The following RBM20 variants were observed in gnomAD, a reference collection of about 807,000 sequenced individuals.
RBM20 encodes the protein RNA-binding protein 20.
In RBM20, 51 loss-of-function variants were observed where a neutral mutation model predicts 110.1. The ratio of observed to expected loss-of-function variants is 0.46; its 90% confidence interval spans 0.37 to 0.59. RBM20 has a LOEUF of 0.59. Among genes scored for constraint, RBM20 ranks in the 20% least tolerant of loss-of-function variants. The probability of loss-of-function intolerance (pLI) is 0.00; values close to 1 mark genes in which losing one functional copy is unlikely to be tolerated. For synonymous variants in RBM20, 589 were observed against 618.2 expected, an observed-to-expected ratio of 0.95 and a Z score of 0.70; for missense variants, 1,512 against 1,574.9, an observed-to-expected ratio of 0.96 and a Z score of 0.68.
intron 5 of RBM20, among the ~76,000 whole-genome samples, chr10:110,790,559 A>G (rs913017677): frequency 1.3e-5 from 2 of 152,278 alleles, no homozygotes; most frequent in Admixed American, 1.3e-4. Flanking sequence ...TGCTTTTGTT[A>G]TAAGTATATA....
intron 1 of RBM20, among the ~76,000 whole-genome samples, chr10:110,646,556 T>A (rs1445504651): frequency 6.6e-6 from 1 of 152,246 alleles, no homozygotes; most frequent in Non-Finnish European, 1.5e-5. Flanking sequence ...GGGCTGTGAA[T>A]GTGCCCATAG....
chr10:110,785,779 G>A lies in RBM20; in HGVS notation c.1527+890G>A, dbSNP rs561203756. Among the ~76,000 whole-genome samples, 23 of 151,872 alleles carry A rather than the reference G, an allele frequency of 1.5e-4. No individual in the cohort carries two copies. The South Asian group carries it at 4.8e-3, about 32-fold the overall frequency. On this transcript the variant is annotated intron_variant, in intron 5 of 13. Transcript: ENST00000369519. ...ATCCTTAAAATTCAAGGCATTCCTG[G>A]ACTTTCTAGCATTCAGCGCTGGCTT...
intron 1 of RBM20, among the ~76,000 whole-genome samples, chr10:110,676,751 G>A (rs1429587405): frequency 6.6e-6 from 1 of 151,920 alleles, no homozygotes; most frequent in Non-Finnish European, 1.5e-5. Flanking sequence ...CTGTATCGTT[G>A]ATATAATCCA....
At chr10:110,828,509 A>G (rs1418174461) in intron 12 of RBM20, among the ~76,000 whole-genome samples, 5 of 152,216 alleles carry the variant, frequency 3.3e-5, no homozygotes, top group Non-Finnish European at 5.9e-5. Context: ...CGGGTTCCCC[A>G]GGTGGCCTTG....
intron 9 of RBM20, among the ~76,000 whole-genome samples, chr10:110,819,494 A>T (rs1463088856): frequency 6.6e-6 from 1 of 152,240 alleles, no homozygotes; most frequent in Non-Finnish European, 1.5e-5. Flanking sequence ...GTTCAGTTTC[A>T]CAGACATGCG....
intron 10 of RBM20, 30 bp from the exon 11 acceptor site, chr10:110,821,245 C>A (rs1428932846): frequency 6.5e-6 from 10 of 1,539,486 alleles, no homozygotes; most frequent in Non-Finnish European, 8.8e-6. Flanking sequence ...CTCAACCACC[C>A]TCTGACCTCC....
intron 1 of RBM20, among the ~76,000 whole-genome samples, chr10:110,719,611 A>G (rs1164832539): frequency 2.6e-5 from 4 of 152,018 alleles, no homozygotes; most frequent in Admixed American, 1.3e-4. Context: ...TTCAATTTTT[A>G]TGACTTTGAA....
intron 1 of RBM20, among the ~76,000 whole-genome samples, chr10:110,646,644 C>T (rs1861872452): frequency 6.6e-6 from 1 of 152,256 alleles, no homozygotes; most frequent in African/African-American, 2.4e-5. Flanking sequence ...TTAGTACCCA[C>T]TGAAATTCCG....
At chr10:110,686,323 C>T (rs930402640) in intron 1 of RBM20, among the ~76,000 whole-genome samples, 4 of 151,992 alleles carry the variant, frequency 2.6e-5, no homozygotes, top group African/African-American at 9.7e-5. Context: ...CTTGGCCCCC[C>T]TATAGTTAAG....
intron 1 of RBM20, among the ~76,000 whole-genome samples, chr10:110,662,757 A>T (rs77904729): frequency 0.013 from 2,014 of 152,294 alleles, 43 homozygotes; most frequent in African/African-American, 0.046. Context: ...ACTGGAGACA[A>T]CCCAGATGTC....
intron 7 of RBM20, among the ~76,000 whole-genome samples, chr10:110,807,687 C>T (rs556374985): frequency 1.1e-4 from 17 of 152,324 alleles, no homozygotes; most frequent in African/African-American, 3.8e-4. Context: ...CCTCCCACGT[C>T]GGTCTTTCCT....
chr10:110,677,000 C>A (rs1275207765), intron 1 of RBM20, among the ~76,000 whole-genome samples: 1 of 152,082 alleles, frequency 6.6e-6, no homozygotes, highest in Non-Finnish European at 1.5e-5. Flanking sequence ...TAACAGAATT[C>A]CTAAAACAGG....
chr10:110,711,821 C>T lies in RBM20; in HGVS notation c.191+67176C>T, dbSNP rs111654398. On this transcript the variant is annotated intron_variant, in intron 1 of 13. Transcript: ENST00000369519. ...AGGAAAACAGGACTTCAGGGTTTTG[C>T]AAATGTGCTCTCTTCCTACCCACTA... Among the ~76,000 whole-genome samples the T allele has an allele frequency of 4.5e-3, 689 of 152,340 alleles. 2 individuals are homozygous for T. Among genetic ancestry groups the T allele is most frequent in the South Asian group, 0.018 (86 of 4,830 alleles).
intron 5 of RBM20, among the ~76,000 whole-genome samples, chr10:110,793,522 G>A (rs929828007): frequency 6.6e-6 from 1 of 152,200 alleles, no homozygotes; most frequent in African/African-American, 2.4e-5. Flanking sequence ...CCTCAGAACC[G>A]GAAGAGGTTC....
intron 1 of RBM20, among the ~76,000 whole-genome samples, chr10:110,704,508 T>C (rs923967130): frequency 3.3e-5 from 5 of 152,258 alleles, no homozygotes; most frequent in Admixed American, 1.3e-4. Flanking sequence ...TTTAAATTTG[T>C]ACCTCCCAAC....
chr10:110,799,573 A>T (rs929075835), intron 6 of RBM20, among the ~76,000 whole-genome samples: 1 of 152,194 alleles, frequency 6.6e-6, no homozygotes, highest in Non-Finnish European at 1.5e-5. Context: ...CCAGGTAAAG[A>T]TATAGAGCAT....
chr10:110,743,614 T>C (rs1237071123), intron 1 of RBM20, among the ~76,000 whole-genome samples: 1 of 152,000 alleles, frequency 6.6e-6, no homozygotes, highest in Non-Finnish European at 1.5e-5. Context: ...ACATTGTTCT[T>C]TTATATTATT....
chr10:110,776,080 G>T (rs1844258754), intron 1 of RBM20, among the ~76,000 whole-genome samples: 1 of 151,306 alleles, frequency 6.6e-6, no homozygotes, highest in South Asian at 2.1e-4. Flanking sequence ...GCCAATCACT[G>T]TTGCCAGAGG....
chr10:110,717,239 C>T (rs1863033004), intron 1 of RBM20, among the ~76,000 whole-genome samples: 1 of 152,192 alleles, frequency 6.6e-6, no homozygotes. Flanking sequence ...AGGTGGTCTG[C>T]AGTGACAGCC....
Sources: allele counts gnomAD v4.1 joint callset (sites outside exome capture counted in the v4.1 genomes callset), GRCh38; gene constraint gnomAD v4.1.1; transcripts MANE v1.5; gene names NCBI Gene and HGNC (gene_info 2026-07-23, HGNC 2026-07-21).